FER: variants seen among roughly 807,000 people sequenced by gnomAD.
FER encodes tyrosine-protein kinase Fer.
FER carries 63 observed loss-of-function variants against 111.0 expected under a neutral mutation model. The ratio of observed to expected loss-of-function variants is 0.57; its 90% CI spans 0.46 to 0.70. The LOEUF (loss-of-function observed/expected upper bound fraction) is 0.70, where lower values mean the gene tolerates loss of function less well. FER is among the 30% of genes least tolerant of loss of function. The probability of loss-of-function intolerance (pLI) is 0.00; values close to 1 mark genes in which losing one functional copy is unlikely to be tolerated. For synonymous variants in FER, 327 were observed against 313.9 expected, an observed-to-expected ratio of 1.04 and a Z score of -0.44; for missense variants, 914 against 954.0, an observed-to-expected ratio of 0.96 and a Z score of 0.55.
intron 1 of FER, among the ~76,000 whole-genome samples, chr5:108,767,415 G>C (rs1752441027): frequency 6.6e-6 from 1 of 152,178 alleles, no homozygotes; most frequent in South Asian, 2.1e-4. Flanking sequence ...TTTTTCTTAT[G>C]TACTTAATTA....
chr5:109,018,066 C>G (rs1486715651), intron 13 of FER, among the ~76,000 whole-genome samples: 9 of 151,732 alleles, frequency 5.9e-5, no homozygotes, highest in Admixed American at 3.9e-4. Context: ...TGTCTCCTGT[C>G]TGTTTTAGTT....
intron 10 of FER, among the ~76,000 whole-genome samples, chr5:108,919,576 C>T (rs756199902): frequency 1.3e-5 from 2 of 152,110 alleles, no homozygotes; most frequent in Admixed American, 6.5e-5. Flanking sequence ...TTACTCTTTA[C>T]TGTGTGCTAA....
intron 1 of FER, among the ~76,000 whole-genome samples, chr5:108,750,641 G>C (rs893737209): frequency 2.0e-5 from 3 of 152,206 alleles, no homozygotes; most frequent in Non-Finnish European, 4.4e-5. Flanking sequence ...GATGTCTTTA[G>C]TTCAGAAGAA....
intron 16 of FER, among the ~76,000 whole-genome samples, chr5:109,082,305 CTT>C (rs2150023149): frequency 6.6e-6 from 1 of 152,126 alleles, no homozygotes; most frequent in African/African-American, 2.4e-5. Context: ...CCAGTACTCT[CTT>C]TTGTGGAAGA....
intron 13 of FER, among the ~76,000 whole-genome samples, chr5:109,035,785 G>T (rs1488506106): frequency 1.3e-5 from 2 of 152,152 alleles, no homozygotes; most frequent in Non-Finnish European, 2.9e-5. Flanking sequence ...GATACATAAG[G>T]ATTACAGTTG....
chr5:108,884,198 A>C (rs140922738), intron 9 of FER, among the ~76,000 whole-genome samples: 1 of 152,122 alleles, frequency 6.6e-6, no homozygotes, highest in East Asian at 1.9e-4. Context: ...TCTTGCTATT[A>C]TACTCTCACA....
At chr5:108,779,038 A>G (rs1331720682) in intron 2 of FER, among the ~76,000 whole-genome samples, 1 of 151,428 alleles carries the variant, frequency 6.6e-6, no homozygotes, top group East Asian at 1.9e-4. Flanking sequence ...TGGATGTCCA[A>G]TTGTTCTAGC....
intron 9 of FER, among the ~76,000 whole-genome samples, chr5:108,896,650 T>A (rs2150324778): frequency 6.6e-6 from 1 of 152,308 alleles, no homozygotes; most frequent in East Asian, 1.9e-4. Flanking sequence ...CTGTGCTCAA[T>A]TAAGTTTGAA....
At chr5:109,073,961 T>A (rs897237453) in intron 16 of FER, among the ~76,000 whole-genome samples, 11 of 152,058 alleles carry the variant, frequency 7.2e-5, no homozygotes, top group African/African-American at 2.7e-4. Flanking sequence ...AAAGAATCAT[T>A]ACCTAAAAAT....
chr5:108,855,613 A>T (rs62360775), intron 5 of FER, among the ~76,000 whole-genome samples: 1 of 149,830 alleles, frequency 6.7e-6, no homozygotes, highest in African/African-American at 2.5e-5. Flanking sequence ...AAAAAAAAGA[A>T]TACAAAAGAC....
chr5:109,170,407 A>G (rs1756988402), intron 17 of FER, among the ~76,000 whole-genome samples: 1 of 152,170 alleles, frequency 6.6e-6, no homozygotes. Flanking sequence ...AAAGAAACCA[A>G]AAGAACACTA....
At chr5:108,827,890 A>C (rs1759641975) in intron 3 of FER, among the ~76,000 whole-genome samples, 1 of 146,566 alleles carries the variant, frequency 6.8e-6, no homozygotes, top group Non-Finnish European at 1.5e-5. Context: ...GTGTAGTGGC[A>C]AAGTCATAGC....
At chr5:108,968,787 A>G (rs77750668) in intron 13 of FER, among the ~76,000 whole-genome samples, 4 of 152,058 alleles carry the variant, frequency 2.6e-5, no homozygotes, top group African/African-American at 9.7e-5. Context: ...TATAATCAAT[A>G]CAAACTCATA....
At chr5:108,875,712 G>C (rs996384232) in intron 8 of FER, among the ~76,000 whole-genome samples, 3 of 151,990 alleles carry the variant, frequency 2.0e-5, no homozygotes, top group African/African-American at 7.2e-5. Context: ...CACATCAGTA[G>C]GCTAAGTATG....
At chr5:109,027,322 T>C (rs1242991058) in intron 13 of FER, among the ~76,000 whole-genome samples, 2 of 152,124 alleles carry the variant, frequency 1.3e-5, no homozygotes, top group African/African-American at 4.8e-5. Context: ...GGTAGAATTA[T>C]TTATCAAAAA....
intron 2 of FER, among the ~76,000 whole-genome samples, chr5:108,797,834 T>G (rs1756206833): frequency 6.6e-6 from 1 of 152,348 alleles, no homozygotes; most frequent in African/African-American, 2.4e-5. Context: ...CATAGGATTT[T>G]CTTCATACAA....
chr5:108,845,043 T>TATAA, intron 5 of FER, among the ~76,000 whole-genome samples: 1 of 29,334 alleles, frequency 3.4e-5, no homozygotes. Flanking sequence ...TATATATACA[T>TATAA]ATATATATAT....
At chr5:109,170,204 T>C (rs1007348507) in intron 17 of FER, among the ~76,000 whole-genome samples, 2 of 151,704 alleles carry the variant, frequency 1.3e-5, no homozygotes, top group African/African-American at 2.4e-5. Context: ...TTATAGAAAA[T>C]AGAATAGAAA....
rs1367943555 is a variant in FER, at chr5:108,959,274, T to C, written c.1583T>C (p.Ile528Thr). 9.9e-6 allele frequency: 16 copies of C among 1,612,034 alleles called. No homozygotes were observed. The highest frequency in any genetic ancestry group is 4.4e-5 in the South Asian group (4 of 90,952). The change falls in exon 13 of 20, where the codon ATA (isoleucine) becomes ACA (threonine). Residue 528 changes from isoleucine to threonine, a missense_variant. By Grantham distance (89) the Ile-to-Thr change is moderately conservative (BLOSUM62 -1). Coordinates refer to ENST00000281092, the MANE Select transcript of FER (RefSeq NM_005246.4). Reference protein sequence around the residue: ...GTGFSNIPQLIDHHYTTKQVI... With the variant: ...GTGFSNIPQLTDHHYTTKQVI... The stretch of plus-strand genomic sequence containing the variant: ...GGGTTTTCAAACATTCCTCAACTTA[T>C]AGATCATCACTATACAACAAAACAG...
Sources: allele counts gnomAD v4.1 joint callset (sites outside exome capture counted in the v4.1 genomes callset), GRCh38; gene constraint gnomAD v4.1.1; transcripts MANE v1.5; gene names NCBI Gene and HGNC (gene_info 2026-07-23, HGNC 2026-07-21).